Variants in PCSK5 observed in about 807,000 individuals in gnomAD.
PCSK5 encodes the protein proprotein convertase subtilisin/kexin type 5.
Under a neutral mutation model 233.2 loss-of-function variants are expected in PCSK5, and 129 were observed. The ratio of observed to expected loss-of-function variants is 0.55; its 90% CI spans 0.48 to 0.64. The LOEUF is 0.64. Among genes scored for constraint, PCSK5 ranks in the 30% least tolerant of loss-of-function variants. The probability of loss-of-function intolerance (pLI) is 0.00; values close to 1 mark genes in which losing one functional copy is unlikely to be tolerated. For missense variants in PCSK5, 2,076 were observed against 2,430.1 expected, an observed-to-expected ratio of 0.85 and a Z score of 3.06; for synonymous variants, 825 against 879.2, an observed-to-expected ratio of 0.94 and a Z score of 1.09.
intron 3 of PCSK5, among the ~76,000 whole-genome samples, chr9:75,989,864 A>C (rs1475712385): frequency 1.3e-5 from 2 of 152,136 alleles, no homozygotes; most frequent in African/African-American, 4.8e-5. Context: ...GATTCAATGT[A>C]ACAGGGAATA....
chr9:76,262,664 C>T (rs1200881795), intron 24 of PCSK5, among the ~76,000 whole-genome samples: 1 of 151,406 alleles, frequency 6.6e-6, no homozygotes, highest in African/African-American at 2.4e-5. Context: ...GACCTAAAAC[C>T]ACAAAAACCC....
intron 6 of PCSK5, among the ~76,000 whole-genome samples, chr9:76,070,233 C>T (rs913878331): frequency 3.9e-5 from 6 of 152,138 alleles, no homozygotes; most frequent in African/African-American, 1.4e-4. Context: ...ATCTCCTGAC[C>T]TCGTGATCCA....
intron 35 of PCSK5, among the ~76,000 whole-genome samples, chr9:76,340,840 T>G (rs906123759): frequency 2.0e-5 from 3 of 152,022 alleles, no homozygotes; most frequent in African/African-American, 7.2e-5. Flanking sequence ...TTCCCTGACT[T>G]GTTTTAGACT....
At position 76,351,460 on chromosome 9, in the gene PCSK5, GAAAGAAAGAAAGA is replaced by G. The variant is rs1564196587; in HGVS notation, c.5067+535_5067+547del. Among the ~76,000 whole-genome samples, 42 of 35,516 alleles carry G rather than the reference GAAAGAAAGAAAGA, an allele frequency of 1.2e-3. 3 individuals carry two copies. The highest frequency in any genetic ancestry group is 7.9e-3 in the Middle Eastern group (1 of 126). The allele number at this position is 35,516 out of a possible 152,430, so 23.3% of individuals were successfully genotyped here. A position where few individuals can be genotyped will look rare whatever the true frequency, so the allele number is the denominator to read the frequency against. Reference sequence around the variant, plus strand: ...ATGTGAAAGAAAGGAAAGAAAGAAAGAAAGAAAGAAAGAAAGAAAGAAAGAAAGAAAGAAAGAA... The same window carrying G: ...ATGTGAAAGAAAGGAAAGAAAGAAAGAAGAAAGAAAGAAAGAAAGAAAGAA... On this transcript the variant is annotated intron_variant, in intron 36 of 37. Transcript: ENST00000674117.
chr9:76,310,198 A>C (rs1828824964), intron 29 of PCSK5, among the ~76,000 whole-genome samples: 1 of 151,804 alleles, frequency 6.6e-6, no homozygotes, highest in Admixed American at 6.6e-5. Flanking sequence ...CAGTGAGCCA[A>C]GATCGCACCA....
chr9:76,196,840 A>G (rs536339070), intron 20 of PCSK5, among the ~76,000 whole-genome samples: 2 of 152,320 alleles, frequency 1.3e-5, no homozygotes, highest in South Asian at 2.1e-4. Context: ...CTTGAAACAA[A>G]TTGATTGAGA....
intron 24 of PCSK5, among the ~76,000 whole-genome samples, chr9:76,273,591 A>ATATATATATATATATG (rs1264909517): frequency 2.1e-5 from 3 of 144,868 alleles, no homozygotes; most frequent in African/African-American, 7.7e-5. Flanking sequence ...ATATATATAT[A>ATATATATATATATATG]TATATTTGTA....
chr9:75,899,758 G>C (rs1015473055), intron 1 of PCSK5, among the ~76,000 whole-genome samples: 7 of 152,164 alleles, frequency 4.6e-5, no homozygotes, highest in Non-Finnish European at 1.0e-4. Flanking sequence ...GCTTGTGGAA[G>C]GGCTTAGGAT....
intron 7 of PCSK5, among the ~76,000 whole-genome samples, chr9:76,088,457 T>G (rs546251882): frequency 7.2e-5 from 11 of 152,354 alleles, no homozygotes; most frequent in African/African-American, 2.6e-4. Flanking sequence ...CCTTAGTTAT[T>G]CTGAGAGCAC....
At chr9:76,186,148 A>G (rs2131230097) in intron 17 of PCSK5, among the ~76,000 whole-genome samples, 1 of 152,280 alleles carries the variant, frequency 6.6e-6, no homozygotes, top group East Asian at 1.9e-4. Context: ...CAATATAAAA[A>G]CTTATCAGAT....
chr9:76,211,312 AT>A (rs1380142656), intron 20 of PCSK5, among the ~76,000 whole-genome samples: 1 of 152,190 alleles, frequency 6.6e-6, no homozygotes, highest in Non-Finnish European at 1.5e-5. Flanking sequence ...ATCCCTGGGT[AT>A]TGCTTTGCCT....
At position 76,146,667 on chromosome 9, in the gene PCSK5, T is replaced by C. The variant is rs540888820; in HGVS notation, c.1313-10378T>C. On this transcript the variant is annotated intron_variant, in intron 10 of 37. Coordinates refer to ENST00000674117, the MANE Select transcript of PCSK5 (RefSeq NM_001372043.1). The stretch of plus-strand genomic sequence containing the variant: ...ATGATTTCCTCATATGTTTTCCCCC[T>C]TTATTACCTTGCAGGATTATTCTGA... Among the ~76,000 whole-genome samples, 8 of 152,218 alleles carry C rather than the reference T, an allele frequency of 5.3e-5. No individual in the cohort carries two copies. The East Asian group carries it at 1.5e-3, about 29-fold the overall frequency.
At chr9:76,188,073 C>G (rs895153689) in intron 17 of PCSK5, among the ~76,000 whole-genome samples, 28 of 152,242 alleles carry the variant, frequency 1.8e-4, no homozygotes, top group African/African-American at 5.8e-4. Context: ...ATGGCTACTC[C>G]GGAGAATTTG....
At chr9:76,220,952 G>T (rs1420325891) in intron 20 of PCSK5, among the ~76,000 whole-genome samples, 1 of 152,028 alleles carries the variant, frequency 6.6e-6, no homozygotes, top group Admixed American at 6.5e-5. Flanking sequence ...CCATAATTGT[G>T]GTTGTAAGCT....
At chr9:75,990,952 C>T (rs1245418322) in intron 3 of PCSK5, among the ~76,000 whole-genome samples, 1 of 152,152 alleles carries the variant, frequency 6.6e-6, no homozygotes, top group Non-Finnish European at 1.5e-5. Flanking sequence ...AATGGATGAG[C>T]AAACTCTGTA....
At chr9:75,991,772 C>T (rs1257365284) in intron 3 of PCSK5, among the ~76,000 whole-genome samples, 1 of 152,124 alleles carries the variant, frequency 6.6e-6, no homozygotes, top group East Asian at 1.9e-4. Context: ...CTCAGTTTGA[C>T]TCTAGAGACA....
intron 24 of PCSK5, among the ~76,000 whole-genome samples, chr9:76,271,214 A>G (rs1277992241): frequency 1.3e-5 from 2 of 152,208 alleles, no homozygotes; most frequent in African/African-American, 2.4e-5. Context: ...AAAGGAGATT[A>G]TACAGAAAAA....
intron 1 of PCSK5, among the ~76,000 whole-genome samples, chr9:75,919,128 C>T (rs970613191): frequency 3.9e-5 from 6 of 152,328 alleles, no homozygotes; most frequent in Non-Finnish European, 8.8e-5. Flanking sequence ...CCTTTTGCCT[C>T]ACCTCTCACC....
chr9:76,205,029 C>T (rs558672505), intron 20 of PCSK5, among the ~76,000 whole-genome samples: 11 of 152,272 alleles, frequency 7.2e-5, no homozygotes, highest in Non-Finnish European at 1.0e-4. Context: ...AAATATGCTA[C>T]AAGTCTAAGG....
Sources: allele counts gnomAD v4.1 joint callset (sites outside exome capture counted in the v4.1 genomes callset), GRCh38; gene constraint gnomAD v4.1.1; transcripts MANE v1.5; gene names NCBI Gene and HGNC (gene_info 2026-07-23, HGNC 2026-07-21).